The following STK3 variants were observed in gnomAD, a reference collection of about 807,000 sequenced individuals.
The protein encoded by STK3 is serine/threonine kinase 3.
In STK3, 41 loss-of-function variants were observed where a neutral mutation model predicts 58.0. The observed-to-expected ratio is 0.71, with a 90% CI of 0.55 to 0.92. STK3 has a LOEUF of 0.92. Among genes scored for constraint, STK3 ranks in the 40% least tolerant of loss-of-function variants. The pLI, the probability that STK3 is intolerant of heterozygous loss-of-function variation, is 0.00. For synonymous variants in STK3, 170 were observed against 191.0 expected (o/e 0.89, Z 0.91); for missense variants, 479 against 602.7 (o/e 0.79, Z 2.15).
chr8:98,359,181 A>G, the STK3 span, among the ~76,000 whole-genome samples: 1 of 151,930 alleles, frequency 6.6e-6, no homozygotes, highest in South Asian at 2.1e-4. Flanking sequence ...GAGAGCTCCA[A>G]AAGACAGAGT....
At chr8:98,700,067 T>A (rs1160469658) in intron 6 of STK3, among the ~76,000 whole-genome samples, 3 of 152,196 alleles carry the variant, frequency 2.0e-5, no homozygotes, top group African/African-American at 7.2e-5. Flanking sequence ...GCTTGGGTAA[T>A]GGCGGGCGCC....
chr8:98,377,978 C>T (rs1325577455), intron 2 of STK3, among the ~76,000 whole-genome samples: 1 of 152,148 alleles, frequency 6.6e-6, no homozygotes, highest in African/African-American at 2.4e-5. Flanking sequence ...AGGCTCTGCC[C>T]CTACCTGCCA....
At position 98,767,413 on chromosome 8, in the gene STK3, G is replaced by T. The variant is rs776325925; in HGVS notation, c.108-42C>A. 6 of 1,525,612 alleles carry T rather than the reference G, an allele frequency of 3.9e-6. No individual in the cohort carries two copies. The Admixed American group carries it at 9.5e-5, about 24-fold the overall frequency. The allele number at this position is 1,525,612 out of a possible 1,614,324, so 94.5% of individuals were successfully genotyped here. A position where few individuals can be genotyped will look rare whatever the true frequency, so the allele number is the denominator to read the frequency against. ...CATTATTTTTTTCCTATCAAACATC[G>T]TAACTATAAGATTAAAAGTCTACTA... On this transcript the variant is annotated intron_variant, in intron 2 of 10. Coordinates refer to ENST00000419617, the MANE Select transcript of STK3 (RefSeq NM_006281.4).
At chr8:98,871,860 C>G (rs1837392126) in intron 3 of STK3, among the ~76,000 whole-genome samples, 1 of 152,170 alleles carries the variant, frequency 6.6e-6, no homozygotes, top group Admixed American at 6.5e-5. Context: ...ATTGCCCTGG[C>G]CAGAACTTCC....
chr8:98,714,117 A>T (rs1184200349), intron 4 of STK3, among the ~76,000 whole-genome samples: 1 of 152,216 alleles, frequency 6.6e-6, no homozygotes, highest in Non-Finnish European at 1.5e-5. Context: ...TTAGGTATTG[A>T]TGGGATGTAT....
At position 98,903,559 on chromosome 8, in the gene STK3, T is replaced by TCTTC. The variant is rs1234506460; in HGVS notation, c.-78-19726_-78-19725insGAAG. 6.5e-4 allele frequency among the ~76,000 whole-genome samples: 57 copies of TCTTC among 87,188 alleles called. 3 individuals carry two copies. Among genetic ancestry groups the TCTTC allele is most frequent in the African/African-American group, 2.2e-3 (45 of 20,164 alleles). 57.2% of individuals were successfully genotyped at this position (87,188 alleles called of 152,430 possible). On this transcript the variant is annotated intron_variant, in intron 1 of 1. Transcript: ENST00000519420. ...TCTTCTTCTTCTTCTTCTTCTTCCTTTTTTTTTTTTTAAGTGGGGCCTTGC... is the reference window on the plus strand; with the variant it reads ...TCTTCTTCTTCTTCTTCTTCTTCCTTCTTCTTTTTTTTTTTAAGTGGGGCCTTGC...
chr8:98,476,446 T>C (rs1342887375), intron 10 of STK3, among the ~76,000 whole-genome samples: 3 of 152,176 alleles, frequency 2.0e-5, no homozygotes, highest in Non-Finnish European at 4.4e-5. Flanking sequence ...TTACCAGCAG[T>C]CTTAGACGGC....
chr8:98,583,845 A>ATATG (rs1554624951), intron 7 of STK3, among the ~76,000 whole-genome samples: 11 of 144,666 alleles, frequency 7.6e-5, no homozygotes, highest in Admixed American at 2.1e-4. Flanking sequence ...GAGAGAGTGT[A>ATATG]TGTGTGTGTG....
At chr8:98,513,587 ACTT>A (rs2131415718) in intron 10 of STK3, among the ~76,000 whole-genome samples, 1 of 152,288 alleles carries the variant, frequency 6.6e-6, no homozygotes, top group Non-Finnish European at 1.5e-5. Flanking sequence ...AAACTTGTCT[ACTT>A]CTTATCTAGA....
intron 8 of STK3, among the ~76,000 whole-genome samples, chr8:98,570,591 C>T (rs1024899497): frequency 5.9e-5 from 9 of 151,618 alleles, no homozygotes; most frequent in Admixed American, 5.3e-4. Flanking sequence ...TTTTGGTGGC[C>T]ACAAGGTAGG....
intron 3 of STK3, among the ~76,000 whole-genome samples, chr8:98,848,125 C>T (rs1233538346): frequency 3.3e-5 from 5 of 152,214 alleles, no homozygotes; most frequent in African/African-American, 1.2e-4. Context: ...AATATCTTCA[C>T]ATAGTTGTGC....
intron 1 of STK3, among the ~76,000 whole-genome samples, chr8:98,821,416 T>G (rs1834887727): frequency 6.6e-6 from 1 of 152,022 alleles, no homozygotes; most frequent in African/African-American, 2.4e-5. Context: ...TATGATTTAA[T>G]GAATTTCCCT....
At chr8:98,556,091 G>C (rs1332265919) in intron 8 of STK3, among the ~76,000 whole-genome samples, 1 of 151,972 alleles carries the variant, frequency 6.6e-6, no homozygotes, top group Non-Finnish European at 1.5e-5. Context: ...AGCTAGGTAA[G>C]GTAGGGGACA....
At chr8:98,783,029 G>C (rs905286625) in intron 1 of STK3, among the ~76,000 whole-genome samples, 1 of 149,774 alleles carries the variant, frequency 6.7e-6, no homozygotes, top group Non-Finnish European at 1.5e-5. Flanking sequence ...GAGAGGGAGA[G>C]AGAGAGAGAG....
chr8:98,596,036 A>T lies in STK3; in HGVS notation c.818T>A (p.Leu273Ter). Residue 273 changes from leucine (L) to a stop codon, truncating the protein, a stop_gained, in exon 7 of 11, where the codon TTA becomes TAA. Transcript: ENST00000419617. LOFTEE classifies it high-confidence loss of function. Reference sequence around the variant, plus strand: ...CTTCGAGGCACAAGCACTGACCTGTAAAAGTTGTGTTGCAGTAGCTCTCTG... The same window carrying T: ...CTTCGAGGCACAAGCACTGACCTGTTAAAGTTGTGTTGCAGTAGCTCTCTG... Reference protein sequence around the residue: ...PEQRATATQLLQHPFIKNAKP... With the variant: ...PEQRATATQL The T allele has an allele frequency of 2.5e-6, 4 of 1,613,018 alleles. No individual in the cohort carries two copies. Among genetic ancestry groups the T allele is most frequent in the Non-Finnish European group, 3.4e-6 (4 of 1,179,356 alleles).
intron 3 of STK3, among the ~76,000 whole-genome samples, chr8:98,763,613 C>T (rs1203885779): frequency 1.3e-5 from 2 of 152,024 alleles, no homozygotes; most frequent in African/African-American, 4.8e-5. Flanking sequence ...TACATTAATA[C>T]TAGTTATTGG....
chr8:98,444,902 T>C (rs1237545864), intron 1 of STK3, among the ~76,000 whole-genome samples: 2 of 152,198 alleles, frequency 1.3e-5, no homozygotes, highest in African/African-American at 4.8e-5. Context: ...AGAATAGTGA[T>C]AATTGAATAT....
At chr8:98,404,022 C>T (rs929021251) in intron 3 of STK3, among the ~76,000 whole-genome samples, 20 of 152,210 alleles carry the variant, frequency 1.3e-4, no homozygotes, top group African/African-American at 4.8e-4. Context: ...GTCAAACCCC[C>T]ACAAATGCAT....
At chr8:98,529,863 A>T (rs1239788681) in intron 9 of STK3, among the ~76,000 whole-genome samples, 5 of 152,202 alleles carry the variant, frequency 3.3e-5, no homozygotes, top group African/African-American at 1.2e-4. Flanking sequence ...GTTGCTAGGG[A>T]CTAAGAGGAG....
Sources: allele counts gnomAD v4.1 joint callset (sites outside exome capture counted in the v4.1 genomes callset), GRCh38; gene constraint gnomAD v4.1.1; transcripts MANE v1.5; gene names NCBI Gene and HGNC (gene_info 2026-07-23, HGNC 2026-07-21).